TPM3: variants seen among roughly 807,000 people sequenced by gnomAD.
TPM3 encodes the protein tropomyosin 3.
TPM3 carries 16 observed loss-of-function variants against 43.1 expected under a neutral mutation model. The observed-to-expected ratio is 0.37, with a 90% CI of 0.25 to 0.56. The LOEUF (loss-of-function observed/expected upper bound fraction) is 0.56. Ranked by LOEUF, TPM3 falls within the 20% of genes least tolerant of loss-of-function variation. The pLI, the probability that TPM3 is intolerant of heterozygous loss-of-function variation, is 0.77. For synonymous variants in TPM3, 101 were observed against 116.9 expected, an observed-to-expected ratio of 0.86 and a Z score of 0.88; for missense variants, 176 against 337.2, an observed-to-expected ratio of 0.52 and a Z score of 3.74.
At chr1:154,158,221 C>T (rs549299179), downstream of TPM3, among the ~76,000 whole-genome samples, 115 of 152,280 alleles carry the variant, frequency 7.6e-4, 1 homozygote, top group South Asian at 0.022. Context: ...AAAGGGCGCT[C>T]ACAGTTAAGT....
chr1:154,159,120 GA>G, downstream of TPM3: 2 of 766,808 alleles, frequency 2.6e-6, no homozygotes, highest in Non-Finnish European at 2.4e-6. Flanking sequence ...GAGAAAAAGG[GA>G]AAGTTAGTAG....
chr1:154,174,407 T>TATATATATATATACACACACAC (rs1261318136), intron 3 of TPM3, among the ~76,000 whole-genome samples: 1 of 72,678 alleles, frequency 1.4e-5, no homozygotes, highest in Non-Finnish European at 2.6e-5. Context: ...TATATATATA[T>TATATATATATATACACACACAC]ACACACAAAA....
At position 154,166,732 on chromosome 1, in the gene TPM3, A is replaced by G. The variant is rs1181546208; in HGVS notation, c.*1205T>C. 2.0e-6 allele frequency: 2 copies of G among 977,922 alleles called. No individual in the cohort carries two copies. The highest frequency in any genetic ancestry group is 1.2e-4 in the Admixed American group (2 of 16,072). The allele number at this position is 977,922 out of a possible 1,614,324, so 60.6% of individuals were successfully genotyped here. A position where few individuals can be genotyped will look rare whatever the true frequency, so the allele number is the denominator to read the frequency against. ...GGAGTCTCTCTGTTGCCCAGGCTGG[A>G]ATGCAGTGGCGCGATCTCCGCTCAC... On this transcript the variant is annotated 3_prime_UTR_variant, in exon 10 of 10. Transcript: ENST00000651641.
rs953487762 is a variant in TPM3 at position 154,176,320 on chromosome 1, G to A, written c.244-72C>T. On this transcript the variant is annotated intron_variant, in intron 2 of 9. Transcript: ENST00000651641. ...AAAGAAGAAATAACTATGACATTAA[G>A]ATCAGGGTTGACTACCATGAAAAAG... The A allele has an allele frequency of 2.6e-5, 41 of 1,607,714 alleles. No individual in the cohort carries two copies. In the Admixed American group the frequency reaches 3.2e-4, roughly 13 times the overall value.
downstream of TPM3, chr1:154,159,200 G>A (rs1213683548): frequency 3.0e-6 from 2 of 661,398 alleles, no homozygotes; most frequent in African/African-American, 3.6e-5. Flanking sequence ...AAGGCAGGGT[G>A]GATGCAAGGA....
At chr1:154,174,385 T>TATATATATATATATATACAC (rs1662012566) in intron 3 of TPM3, among the ~76,000 whole-genome samples, 1 of 94,328 alleles carries the variant, frequency 1.1e-5, no homozygotes, top group South Asian at 3.5e-4. Flanking sequence ...TATATATATA[T>TATATATATATATATATACAC]ATATATATAT....
intron 3 of TPM3, among the ~76,000 whole-genome samples, chr1:154,174,859 G>C (rs916627824): frequency 1.3e-5 from 2 of 151,928 alleles, no homozygotes; most frequent in Non-Finnish European, 2.9e-5. Context: ...CATTTTCACA[G>C]CTGCACAGTA....
intron 2 of TPM3, chr1:154,182,838 G>T: frequency 8.3e-7 from 1 of 1,211,226 alleles, no homozygotes; most frequent in Non-Finnish European, 1.2e-6. Flanking sequence ...TCCTACTGGT[G>T]CTGAGCCCCA....
Position 154,191,397 on chromosome 1 carries a change from A to T in TPM3, c.118-86T>A. ...CCTGGGCTCTTGGAGCCCTGAGTGT[A>T]ACCTCCATGTTACCATCCCTAGTGA... On this transcript the variant is annotated intron_variant, in intron 1 of 9. Coordinates refer to ENST00000651641, the MANE Select transcript of TPM3 (RefSeq NM_152263.4). 6 of 1,598,940 alleles carry T rather than the reference A, an allele frequency of 3.8e-6. No individual in the cohort carries two copies. The South Asian group carries it at 6.6e-5, about 18-fold the overall frequency.
chr1:154,169,953 GGTCAAT>G, intron 8 of TPM3: 1 of 250,776 alleles, frequency 4.0e-6, no homozygotes, highest in Non-Finnish European at 7.8e-6. Context: ...TCCTGACATT[GGTCAAT>G]GTTCAGATAT....
chr1:154,190,536 C>T (rs1253608987), intron 2 of TPM3, among the ~76,000 whole-genome samples: 3 of 152,166 alleles, frequency 2.0e-5, no homozygotes, highest in East Asian at 3.9e-4. Flanking sequence ...TACTCACGGT[C>T]ATAGAGTGAA....
chr1:154,180,758 AT>A (rs1183065847), intron 2 of TPM3, among the ~76,000 whole-genome samples: 2 of 152,050 alleles, frequency 1.3e-5, no homozygotes, highest in Non-Finnish European at 2.9e-5. Flanking sequence ...AAATAAAAAA[AT>A]AAAATAATAA....
At chr1:154,168,021 A>G in intron 9 of TPM3, 81 bp from the exon 10 acceptor site, 3 of 1,595,380 alleles carry the variant, frequency 1.9e-6, no homozygotes, top group Non-Finnish European at 2.6e-6. Flanking sequence ...GGAAGAGGAA[A>G]AAAAGGAAGA....
chr1:154,171,547 G>C, intron 5 of TPM3, 59 bp from the exon 6 acceptor site: 1 of 1,574,504 alleles, frequency 6.4e-7, no homozygotes, highest in South Asian at 1.1e-5. Flanking sequence ...AATAAAAAAA[G>C]GGAGAGAGAC....
chr1:154,183,584 C>T (rs1663222015), intron 2 of TPM3: 3 of 263,190 alleles, frequency 1.1e-5, no homozygotes, highest in Non-Finnish European at 7.7e-6. Flanking sequence ...ATATAAACAT[C>T]CTACAAGTCT....
At chr1:154,188,007 T>C (rs911562387) in intron 2 of TPM3, among the ~76,000 whole-genome samples, 3 of 151,332 alleles carry the variant, frequency 2.0e-5, no homozygotes, top group Admixed American at 6.6e-5. Context: ...GTAGGGTTGT[T>C]TGTTTGTTTG....
At chr1:154,171,970 C>T in intron 5 of TPM3, 1 of 1,592,850 alleles carries the variant, frequency 6.3e-7, no homozygotes, top group Non-Finnish European at 8.6e-7. Context: ...AAAACAAAAA[C>T]AAAACAAAAC....
intron 2 of TPM3, among the ~76,000 whole-genome samples, chr1:154,184,869 G>A (rs1663333129): frequency 6.6e-6 from 1 of 151,956 alleles, no homozygotes; most frequent in African/African-American, 2.4e-5. Context: ...AGCCAAGATT[G>A]TATCACTGCC....
chr1:154,183,346 A>AGTAC, intron 2 of TPM3: 1 of 1,429,896 alleles, frequency 7.0e-7, no homozygotes. Flanking sequence ...GTCGCCCTGG[A>AGTAC]GTACGGCTCC....
Sources: gnomAD v4.1 joint callset for allele counts (sites outside exome capture counted in the v4.1 genomes callset) on GRCh38, gnomAD v4.1.1 for gene constraint, MANE v1.5 for transcripts, NCBI Gene and HGNC (gene_info 2026-07-23, HGNC 2026-07-21) for gene names.